ESR1: variants seen among roughly 807,000 people sequenced by gnomAD.
The protein encoded by ESR1 is estrogen receptor.
In ESR1, 12 loss-of-function variants were observed where a neutral mutation model predicts 52.7. The observed-to-expected ratio is 0.23, with a 90% confidence interval of 0.15 to 0.37. The LOEUF (loss-of-function observed/expected upper bound fraction) is 0.37, where lower values mean the gene tolerates loss of function less well. Among genes scored for constraint, ESR1 ranks in the 10% least tolerant of loss-of-function variants. The probability of loss-of-function intolerance (pLI) is 1.00; values close to 1 mark genes in which losing one functional copy is unlikely to be tolerated. For missense variants in ESR1, 584 were observed against 779.7 expected (o/e 0.75, Z 2.99); for synonymous variants, 305 against 316.8 (o/e 0.96, Z 0.39).
At chr6:151,696,860 G>A (rs892628020) in intron 1 of ESR1, among the ~76,000 whole-genome samples, 3 of 152,170 alleles carry the variant, frequency 2.0e-5, no homozygotes, top group Non-Finnish European at 4.4e-5. Flanking sequence ...AGGATGGTTA[G>A]GGATAGCTTT....
At chr6:151,917,281 A>T (rs779515119) in intron 3 of ESR1, among the ~76,000 whole-genome samples, 2 of 152,188 alleles carry the variant, frequency 1.3e-5, no homozygotes, top group Non-Finnish European at 2.9e-5. Flanking sequence ...TACAGGCTGA[A>T]CCTTGGTGTC....
rs2128525923 is a variant in ESR1, at chr6:151,944,176, T to A, written c.764T>A (p.Ile255Lys). The A allele has an allele frequency of 6.2e-7, 1 of 1,613,328 alleles. No individual in the cohort carries two copies. The highest frequency in any genetic ancestry group is 8.5e-7 in the Non-Finnish European group (1 of 1,179,640). Reference protein sequence around the residue: ...CYEVGMMKGGIRKDRRGGRML... With the variant: ...CYEVGMMKGGKRKDRRGGRML... ...TTTTTTCCACCTGTGTTTTCAGGGA[T>A]ACGAAAAGACCGAAGAGGAGGGAGA... The change falls in exon 4 of 8, where the codon ATA becomes AAA. Residue 255 changes from isoleucine to lysine, a missense_variant. Physicochemically the swap from Ile to Lys is moderately radical, Grantham distance 102 (BLOSUM62 -3). Coordinates refer to ENST00000206249, the MANE Select transcript of ESR1 (RefSeq NM_000125.4).
intron 4 of ESR1, among the ~76,000 whole-genome samples, chr6:151,965,032 T>G (rs957598265): frequency 6.6e-6 from 1 of 152,220 alleles, no homozygotes; most frequent in African/African-American, 2.4e-5. Flanking sequence ...AAAGCTATGA[T>G]GTTCAACTCC....
rs1199270277 is a variant in ESR1 at position 151,808,084 on chromosome 6, G to T, written c.172G>T (p.Ala58Ser). The T allele has an allele frequency of 1.9e-6, 3 of 1,612,698 alleles. No individual in the cohort carries two copies. Among genetic ancestry groups the T allele is most frequent in the Non-Finnish European group, 2.5e-6 (3 of 1,179,768 alleles). Residue 58 changes from alanine (A) to serine (S), a missense_variant, in exon 1 of 8, where the codon GCC becomes TCC. Around this residue, in one of 6 missense-constraint regions of ESR1, gnomAD observed 251 missense variants for 246.1 expected, o/e 1.02. Transcript: ENST00000206249. ...KPAVYNYPEG[A>S]AYEFNAAAAA... ...CGCCGTGTACAACTACCCCGAGGGC[G>T]CCGCCTACGAGTTCAACGCCGCGGC...
rs898063084 is a variant in ESR1, at chr6:152,027,107, C to A, written c.1235+15313C>A. ...TCAGCCTCCCAAGTACCTGGGATTA[C>A]AGGCATCAGCCACCCCACCTGGCTA... On this transcript the variant is annotated intron_variant, in intron 5 of 7. Coordinates refer to ENST00000206249, the MANE Select transcript of ESR1 (RefSeq NM_000125.4). Among the ~76,000 whole-genome samples, 3 of 152,080 alleles carry A rather than the reference C, an allele frequency of 2.0e-5. 1 individual carries two copies. In the South Asian group the frequency reaches 6.2e-4, roughly 32 times the overall value.
chr6:151,849,975 G>T (rs1786002649), intron 2 of ESR1, among the ~76,000 whole-genome samples: 1 of 27,456 alleles, frequency 3.6e-5, no homozygotes, highest in Non-Finnish European at 7.6e-5. Flanking sequence ...GTTTCCTAGG[G>T]AATTATATAT....
At chr6:151,872,682 T>C (rs982432100) in intron 2 of ESR1, among the ~76,000 whole-genome samples, 4 of 152,262 alleles carry the variant, frequency 2.6e-5, no homozygotes, top group East Asian at 3.8e-4. Context: ...TTTCTAATTC[T>C]ATGCTGCTAT....
exon 7 of ESR1, chr6:152,128,958 C>T (rs966691038): frequency 1.3e-5 from 2 of 152,214 alleles, no homozygotes; most frequent in African/African-American, 4.8e-5. Flanking sequence ...GTTTGCCATT[C>T]AGGTGAAGAT....
rs540287917 is a variant in ESR1, at chr6:151,690,977, A to G, written c.-202+313A>G. Among the ~76,000 whole-genome samples the G allele has an allele frequency of 3.3e-5, 5 of 152,310 alleles. No individual in the cohort carries two copies. In the South Asian group the frequency reaches 1.0e-3, roughly 32 times the overall value. On this transcript the variant is annotated intron_variant, in intron 1 of 2. Transcript: ENST00000404742. ...TGTCTGTTCCAGATAACATAAATGT[A>G]TTGGATCTAGCACTAGCTAGGAGAC...
intron 2 of ESR1, among the ~76,000 whole-genome samples, chr6:151,777,129 T>G (rs1437658658): frequency 6.6e-6 from 1 of 151,182 alleles, no homozygotes; most frequent in Non-Finnish European, 1.5e-5. Context: ...TTTTCTTTTT[T>G]TTTTTGAGAC....
chr6:151,783,782 G>A (rs1406273301), intron 2 of ESR1, among the ~76,000 whole-genome samples: 1 of 152,018 alleles, frequency 6.6e-6, no homozygotes, highest in African/African-American at 2.4e-5. Context: ...TCTACCCAAT[G>A]TCCGTTTTCT....
At chr6:151,742,832 A>T (rs1562371513) in intron 2 of ESR1, among the ~76,000 whole-genome samples, 1 of 152,204 alleles carries the variant, frequency 6.6e-6, no homozygotes, top group Non-Finnish European at 1.5e-5. Flanking sequence ...TTTTTGAGGG[A>T]ATGAATTAAT....
chr6:151,737,058 A>G (rs141254273), intron 2 of ESR1, among the ~76,000 whole-genome samples: 1 of 152,326 alleles, frequency 6.6e-6, no homozygotes, highest in African/African-American at 2.4e-5. Context: ...GAAAATGCTA[A>G]TTGTTTTCAC....
rs753695532 is a variant in ESR1, at chr6:152,060,982, T to G, written c.1236-9T>G. On this transcript the variant is annotated splice_polypyrimidine_tract_variant and intron_variant, in intron 5 of 7. Transcript: ENST00000206249. ...TATTTATTTATTTATTTTTGCTATG[T>G]TTTCATAGGAACCAGGGAAAATGTG... The G allele has an allele frequency of 6.9e-6, 11 of 1,590,192 alleles. No homozygotes were observed. Among genetic ancestry groups the G allele is most frequent in the Non-Finnish European group, 9.4e-6 (11 of 1,165,146 alleles).
upstream of ESR1, chr6:151,804,821 G>A (rs1361100015): frequency 6.6e-6 from 1 of 152,174 alleles, no homozygotes; most frequent in African/African-American, 2.4e-5. Context: ...TGTGTCCTGG[G>A]ACCCTGAGCG....
intron 1 of ESR1, among the ~76,000 whole-genome samples, chr6:151,696,240 G>A (rs1482634684): frequency 6.6e-6 from 1 of 152,048 alleles, no homozygotes; most frequent in Non-Finnish European, 1.5e-5. Flanking sequence ...GGAGGCTGAG[G>A]CCAGTGAATC....
At chr6:152,014,076 C>T (rs1202521304) in intron 5 of ESR1, among the ~76,000 whole-genome samples, 5 of 152,030 alleles carry the variant, frequency 3.3e-5, no homozygotes, top group African/African-American at 1.2e-4. Flanking sequence ...GGGGAGTTCC[C>T]CTGCACACGC....
At chr6:151,836,316 G>C (rs775655975) in intron 1 of ESR1, among the ~76,000 whole-genome samples, 2 of 152,170 alleles carry the variant, frequency 1.3e-5, no homozygotes, top group Non-Finnish European at 2.9e-5. Flanking sequence ...GTGCCACGTG[G>C]TTGGGGAGGC....
At chr6:152,063,721 G>A (rs1180782526) in intron 6 of ESR1, among the ~76,000 whole-genome samples, 2 of 152,152 alleles carry the variant, frequency 1.3e-5, no homozygotes, top group Non-Finnish European at 2.9e-5. Context: ...ATGACCAAGT[G>A]ACTCTGACTC....
Sources: allele counts gnomAD v4.1 joint callset (sites outside exome capture counted in the v4.1 genomes callset), GRCh38; gene constraint gnomAD v4.1.1; regional missense constraint gnomAD v4.1.1; transcripts MANE v1.5; gene names NCBI Gene and HGNC (gene_info 2026-07-23, HGNC 2026-07-21).